The following NDRG4 variants were observed in gnomAD, a reference collection of about 807,000 sequenced individuals.
The protein encoded by NDRG4 is NDRG family member 4.
Under a neutral mutation model 55.8 loss-of-function variants are expected in NDRG4, and 38 were observed. That is an observed-to-expected ratio of 0.68 (90% CI 0.53 to 0.89). The LOEUF (loss-of-function observed/expected upper bound fraction) is 0.89, where lower values mean the gene tolerates loss of function less well. Among genes scored for constraint, NDRG4 ranks in the 40% least tolerant of loss-of-function variants. The pLI is 0.00. For missense variants in NDRG4, 455 were observed against 468.6 expected (o/e 0.97, Z 0.27); for synonymous variants, 190 against 182.7 (o/e 1.04, Z -0.32).
At chr16:58,479,097 C>T (rs554322244) in intron 1 of NDRG4, among the ~76,000 whole-genome samples, 19 of 152,182 alleles carry the variant, frequency 1.2e-4, no homozygotes, top group Middle Eastern at 3.4e-3. Flanking sequence ...GGCGTGATCT[C>T]GGCTCACTGC....
At chr16:58,496,615 A>G (rs2036441616), upstream of NDRG4, among the ~76,000 whole-genome samples, 2 of 151,990 alleles carry the variant, frequency 1.3e-5, no homozygotes, top group East Asian at 1.9e-4. Flanking sequence ...TGGCCCCGCC[A>G]CTTCCAAGCA....
chr16:58,467,956 C>T (rs1446631781), intron 1 of NDRG4, among the ~76,000 whole-genome samples: 1 of 152,170 alleles, frequency 6.6e-6, no homozygotes, highest in African/African-American at 2.4e-5. Flanking sequence ...GCAGGGTGTT[C>T]CAGTTCCTTC....
At chr16:58,501,959 C>T (rs1421602128) in intron 1 of NDRG4, 5 of 455,600 alleles carry the variant, frequency 1.1e-5, no homozygotes, top group African/African-American at 1.0e-4. Flanking sequence ...AGGCGCATTG[C>T]AGTTCTTTTG....
intron 13 of NDRG4, 61 bp from the exon 14 acceptor site, chr16:58,510,583 CT>C: frequency 3.6e-6 from 5 of 1,404,954 alleles, no homozygotes; most frequent in Non-Finnish European, 4.9e-6. Context: ...GCGGACCACG[CT>C]CTTCACTGTG....
At chr16:58,468,929 G>A (rs1198779280) in intron 1 of NDRG4, among the ~76,000 whole-genome samples, 2 of 152,104 alleles carry the variant, frequency 1.3e-5, no homozygotes, top group East Asian at 3.8e-4. Context: ...ATTGGCACTC[G>A]AGCAATATGT....
At position 58,506,545 on chromosome 16, in the gene NDRG4, C is replaced by T. The variant is rs762065859; in HGVS notation, c.460-13C>T. The T allele has an allele frequency of 2.5e-6, 4 of 1,599,404 alleles. No individual in the cohort carries two copies. The highest frequency in any genetic ancestry group is 4.5e-5 in the East Asian group (2 of 44,682). ...GAGGGGCGGCACTCACGCTGGCGCC[C>T]TGCTCCCTGCAGCTCTCCGGCCTAA... On this transcript the variant is annotated splice_polypyrimidine_tract_variant and intron_variant, in intron 6 of 14. Coordinates refer to ENST00000570248, the MANE Select transcript of NDRG4 (RefSeq NM_001242835.2).
chr16:58,485,836 T>A (rs1384622212), intron 1 of NDRG4, among the ~76,000 whole-genome samples: 1 of 152,220 alleles, frequency 6.6e-6, no homozygotes, highest in Non-Finnish European at 1.5e-5. Context: ...ATTTTATTAT[T>A]GACACACAGT....
chr16:58,504,466 C>T (rs746133525), intron 4 of NDRG4, 45 bp downstream of exon 4: 11 of 1,611,750 alleles, frequency 6.8e-6, no homozygotes, highest in South Asian at 6.6e-5. Flanking sequence ...GGGGTGCCTA[C>T]CCCAACTGCA....
chr16:58,483,881 A>G (rs1225236973), intron 1 of NDRG4, among the ~76,000 whole-genome samples: 2 of 152,180 alleles, frequency 1.3e-5, no homozygotes, highest in Non-Finnish European at 2.9e-5. Flanking sequence ...CCTGGCCAAC[A>G]TAGTAAGACC....
intron 1 of NDRG4, among the ~76,000 whole-genome samples, chr16:58,468,511 A>G (rs2151549829): frequency 6.6e-6 from 1 of 152,300 alleles, no homozygotes; most frequent in South Asian, 2.1e-4. Flanking sequence ...ACCTGAGGTC[A>G]GGAGTTCTAG....
At chr16:58,496,134 G>A (rs1000337032), upstream of NDRG4, among the ~76,000 whole-genome samples, 11 of 152,254 alleles carry the variant, frequency 7.2e-5, no homozygotes, top group African/African-American at 1.2e-4. Context: ...GGAGGCCGAC[G>A]CCAACAGTGC....
upstream of NDRG4, among the ~76,000 whole-genome samples, chr16:58,495,878 G>A (rs2036347336): frequency 6.6e-6 from 1 of 152,198 alleles, no homozygotes; most frequent in South Asian, 2.1e-4. Flanking sequence ...AGAGGCTAGG[G>A]TTCCGGCAGT....
Position 58,507,810 on chromosome 16 carries a change from G to C in NDRG4, c.623G>C (p.Arg208Pro). The C allele has an allele frequency of 1.9e-6, 3 of 1,613,476 alleles. No homozygotes were observed. Among genetic ancestry groups the C allele is most frequent in the Non-Finnish European group, 2.5e-6 (3 of 1,179,898 alleles). The part of the protein sequence containing the change: ...LQLFWNMYNS[R>P]RDLDINRPGT... ...CTGCCCCTCCCCCTGCCCCACAGCC[G>C]CAGAGACCTGGACATTAACCGGCCT... The change falls in exon 9 of 15, where the codon CGC becomes CCC. Residue 208 changes from arginine (R) to proline (P), a missense_variant and splice_region_variant. Physicochemically the swap from Arg to Pro is moderately radical, Grantham distance 103. Coordinates refer to ENST00000570248, the MANE Select transcript of NDRG4 (RefSeq NM_001242835.2).
At chr16:58,501,426 G>A (rs943843363) in intron 1 of NDRG4, 5 of 216,414 alleles carry the variant, frequency 2.3e-5, no homozygotes, top group Middle Eastern at 1.4e-3. Flanking sequence ...TCCCGCCTGC[G>A]CCTACCTGGA....
In NDRG4 at chr16:58,500,202, C is replaced by T; in HGVS notation, c.-47C>T. ...GCCCTCTGGACCCGAGTGACTCAGG[C>T]CTTTGTTTGTCCTTCCTGGTAGAGG... On this transcript the variant is annotated 5_prime_UTR_variant, in exon 1 of 15. Transcript: ENST00000570248. The T allele has an allele frequency of 6.5e-7, 1 of 1,536,050 alleles. No individual in the cohort carries two copies. The highest frequency in any genetic ancestry group is 1.7e-4 in the Middle Eastern group (1 of 5,982).
intron 5 of NDRG4, chr16:58,506,133 C>CGTGTGTGTGTGTGTGGGTGTGT (rs2037939693): frequency 2.1e-6 from 1 of 465,762 alleles, no homozygotes; most frequent in Non-Finnish European, 3.9e-6. Context: ...GTTGAAAGAG[C>CGTGTGTGTGTGTGTGGGTGTGT]GTGTGTGTGT....
intron 2 of NDRG4, among the ~76,000 whole-genome samples, chr16:58,494,457 G>T (rs564650602): frequency 3.9e-5 from 6 of 152,246 alleles, no homozygotes; most frequent in African/African-American, 1.4e-4. Context: ...AAACATCTAT[G>T]GGAGCAGAAG....
upstream of NDRG4, chr16:58,495,145 G>A: frequency 1.2e-6 from 1 of 828,604 alleles, no homozygotes; most frequent in Non-Finnish European, 2.0e-6. Context: ...GGTGGGAGAT[G>A]AACTGGCCCT....
chr16:58,475,520 T>A (rs562744913), intron 1 of NDRG4: 5 of 426,708 alleles, frequency 1.2e-5, no homozygotes, highest in South Asian at 8.3e-5. Context: ...AAGAAAAATA[T>A]CCCAAGTTTA....
Sources: gnomAD v4.1 joint callset for allele counts (sites outside exome capture counted in the v4.1 genomes callset) on GRCh38, gnomAD v4.1.1 for gene constraint, MANE v1.5 for transcripts, NCBI Gene and HGNC (gene_info 2026-07-23, HGNC 2026-07-21) for gene names.